Variants in CAMTA1 observed in about 807,000 individuals in gnomAD.
CAMTA1 encodes the protein calmodulin binding transcription activator 1.
In CAMTA1, 27 loss-of-function variants were observed where a neutral mutation model predicts 170.9. The ratio of observed to expected loss-of-function variants is 0.16; its 90% CI spans 0.12 to 0.22. The LOEUF (loss-of-function observed/expected upper bound fraction) is 0.22. Ranked by LOEUF, CAMTA1 falls within the 10% of genes least tolerant of loss-of-function variation. CAMTA1 has a pLI of 1.00. For synonymous variants in CAMTA1, 833 were observed against 891.5 expected, an observed-to-expected ratio of 0.93 and a Z score of 1.17; for missense variants, 1,619 against 2,217.2, an observed-to-expected ratio of 0.73 and a Z score of 5.42.
chr1:7,392,308 C>T (rs2105347), intron 5 of CAMTA1, among the ~76,000 whole-genome samples: 25,746 of 145,302 alleles, frequency 0.18, 2,932 homozygotes, highest in East Asian at 0.53. Context: ...CAGGCTGGAA[C>T]GCAATGGTGC....
chr1:7,423,951 G>T (rs115892924), intron 5 of CAMTA1, among the ~76,000 whole-genome samples: 10,031 of 152,242 alleles, frequency 0.066, 570 homozygotes, highest in Non-Finnish European at 0.089. Context: ...TTGCCCAAAT[G>T]TCACCTCTTT....
At chr1:6,893,638 C>G (rs1016373954) in intron 3 of CAMTA1, among the ~76,000 whole-genome samples, 1 of 152,166 alleles carries the variant, frequency 6.6e-6, no homozygotes, top group Non-Finnish European at 1.5e-5. Flanking sequence ...TATGTTCCAT[C>G]GGGCTTCTGC....
intron 1 of CAMTA1, among the ~76,000 whole-genome samples, chr1:6,814,226 AG>A (rs962336740): frequency 1.2e-4 from 18 of 152,220 alleles, no homozygotes; most frequent in Non-Finnish European, 2.6e-4. Context: ...CATTTCTGAA[AG>A]GAGTAACTAT....
intron 6 of CAMTA1, among the ~76,000 whole-genome samples, chr1:7,564,415 G>A (rs1454556672): frequency 3.3e-5 from 5 of 152,242 alleles, no homozygotes; most frequent in Admixed American, 6.5e-5. Context: ...AGAGGGCGGC[G>A]CCTTCACAGG....
intron 22 of CAMTA1, among the ~76,000 whole-genome samples, chr1:7,756,823 G>A (rs2096934742): frequency 6.6e-6 from 1 of 152,050 alleles, no homozygotes; most frequent in Non-Finnish European, 1.5e-5. Flanking sequence ...ACTCCAGCCT[G>A]AGCAACAGAG....
At chr1:7,174,438 C>G (rs1268447249) in intron 4 of CAMTA1, among the ~76,000 whole-genome samples, 1 of 152,192 alleles carries the variant, frequency 6.6e-6, no homozygotes, top group Non-Finnish European at 1.5e-5. Context: ...TAAAAATACA[C>G]AAGGCCCTTT....
intron 6 of CAMTA1, among the ~76,000 whole-genome samples, chr1:7,548,600 G>A (rs116307473): frequency 0.17 from 24,774 of 146,966 alleles, 1,800 homozygotes; most frequent in Non-Finnish European, 0.19. Flanking sequence ...CCCCTTAGGG[G>A]TGGAGATGCC....
chr1:6,821,530 T>G (rs1050497033), intron 2 of CAMTA1, among the ~76,000 whole-genome samples: 30 of 152,184 alleles, frequency 2.0e-4, no homozygotes, highest in Admixed American at 2.0e-3. Context: ...CCCAATAAGA[T>G]TTAGCAATTT....
At chr1:7,723,721 A>C (rs1214493300) in intron 11 of CAMTA1, among the ~76,000 whole-genome samples, 1 of 152,126 alleles carries the variant, frequency 6.6e-6, no homozygotes, top group African/African-American at 2.4e-5. Context: ...ACTCTTCCTA[A>C]AAACCCAGAA....
At position 7,050,740 on chromosome 1, in the gene CAMTA1, G is replaced by T. The variant is rs1448665944; in HGVS notation, c.235-40564G>T. Among the ~76,000 whole-genome samples the T allele has an allele frequency of 6.6e-6, 1 of 152,206 alleles. No homozygotes were observed. Among genetic ancestry groups the T allele is most frequent in the Non-Finnish European group, 1.5e-5 (1 of 68,038 alleles). On this transcript the variant is annotated intron_variant, in intron 3 of 22. Transcript: ENST00000303635. This position sits in a 1 kb window ranked among gnomAD's most constrained non-coding sequence, Gnocchi z 4.8. ...GGTGGAGGAGAGAGTATGGTGGGGA[G>T]GGGAAGGAGCCCCAGGGGGCCTTGG...
At chr1:7,141,133 C>G (rs1186706304) in intron 4 of CAMTA1, among the ~76,000 whole-genome samples, 1 of 152,100 alleles carries the variant, frequency 6.6e-6, no homozygotes, top group Non-Finnish European at 1.5e-5. Flanking sequence ...TGGTGCTGTC[C>G]AGGTTGTGAG....
chr1:7,499,793 G>T (rs2093947107), intron 6 of CAMTA1, among the ~76,000 whole-genome samples: 1 of 144,544 alleles, frequency 6.9e-6, no homozygotes, highest in African/African-American at 2.6e-5. Flanking sequence ...ATGAGTGTGT[G>T]TGGAGAGGAT....
At position 7,588,009 on chromosome 1, in the gene CAMTA1, C is replaced by T. The variant is rs1489381183; in HGVS notation, c.511-52391C>T. On this transcript the variant is annotated intron_variant, in intron 6 of 22. Coordinates refer to ENST00000303635, the MANE Select transcript of CAMTA1 (RefSeq NM_015215.4). This position sits in a 1 kb window ranked among gnomAD's most constrained non-coding sequence, Gnocchi z 5.8. ...CCTTGATCCCCTATCGGTGCCTGGC[C>T]CTGGCCATTCATTCCTCGTTCAAGT... 1.3e-5 allele frequency among the ~76,000 whole-genome samples: 2 copies of T among 152,162 alleles called. No individual in the cohort carries two copies. The highest frequency in any genetic ancestry group is 2.9e-5 in the Non-Finnish European group (2 of 68,034).
chr1:7,004,193 AAG>A (rs758720560), intron 3 of CAMTA1, among the ~76,000 whole-genome samples: 19 of 152,362 alleles, frequency 1.2e-4, no homozygotes, highest in Admixed American at 5.2e-4. Context: ...TGTCTATTTG[AAG>A]AGAGAATAAT....
intron 6 of CAMTA1, among the ~76,000 whole-genome samples, chr1:7,551,422 A>C (rs1194133560): frequency 6.6e-6 from 1 of 152,200 alleles, no homozygotes; most frequent in East Asian, 1.9e-4. Context: ...CAGAGGAGGA[A>C]GGCACCCAGC....
chr1:6,886,033 G>A (rs1021799302), intron 3 of CAMTA1, among the ~76,000 whole-genome samples: 1 of 152,172 alleles, frequency 6.6e-6, no homozygotes, highest in African/African-American at 2.4e-5. Context: ...CTCTGTTGGT[G>A]TCTTTACTCC....
Position 7,673,019 on chromosome 1 carries a change from C to A in CAMTA1, c.2779+1982C>A, listed in dbSNP as rs1013972432. On this transcript the variant is annotated intron_variant, in intron 10 of 22. Coordinates refer to ENST00000303635, the MANE Select transcript of CAMTA1 (RefSeq NM_015215.4). The surrounding 1 kb of genome is among the most constrained non-coding windows in gnomAD (Gnocchi z 4.6). ...TCAGGGCTGTGTGCAGCTGATGGGA[C>A]CCCGGCCCGGCGGGAGTGGCGGGGA... Among the ~76,000 whole-genome samples the A allele has an allele frequency of 3.3e-5, 5 of 152,168 alleles. No homozygotes were observed. The highest frequency in any genetic ancestry group is 7.3e-5 in the Non-Finnish European group (5 of 68,028).
intron 6 of CAMTA1, among the ~76,000 whole-genome samples, chr1:7,472,086 G>A (rs1001865370): frequency 7.9e-5 from 12 of 152,220 alleles, no homozygotes; most frequent in East Asian, 1.9e-4. Flanking sequence ...TTGCCAGGCC[G>A]GAGCTGTTTG....
At chr1:7,480,218 TAC>T (rs774300908) in intron 6 of CAMTA1, among the ~76,000 whole-genome samples, 6 of 145,808 alleles carry the variant, frequency 4.1e-5, no homozygotes, top group Admixed American at 1.3e-4. Flanking sequence ...TGCATGTGTG[TAC>T]GTGTGTGTGA....
Sources: gnomAD v4.1 joint callset for allele counts (sites outside exome capture counted in the v4.1 genomes callset) on GRCh38, gnomAD v4.1.1 for gene constraint, Gnocchi (gnomAD v3.1) non-coding constraint, MANE v1.5 for transcripts, NCBI Gene and HGNC (gene_info 2026-07-23, HGNC 2026-07-21) for gene names.